Variants in TCF12 observed in about 807,000 individuals in gnomAD.
TCF12 encodes the protein DNA-binding protein HTF4.
In TCF12, 45 loss-of-function variants were observed where a neutral mutation model predicts 86.0. The ratio of observed to expected loss-of-function variants is 0.52; its 90% CI spans 0.41 to 0.67. The LOEUF (loss-of-function observed/expected upper bound fraction) is 0.67, where lower values mean the gene tolerates loss of function less well. Ranked by LOEUF, TCF12 falls within the 30% of genes least tolerant of loss-of-function variation. The pLI is 0.00. For missense variants in TCF12, 881 were observed against 859.9 expected (o/e 1.02, Z -0.31); for synonymous variants, 330 against 299.6 (o/e 1.10, Z -1.05).
At chr15:57,136,131 G>A (rs571316854) in intron 5 of TCF12, among the ~76,000 whole-genome samples, 1 of 152,264 alleles carries the variant, frequency 6.6e-6, no homozygotes, top group South Asian at 2.1e-4. Flanking sequence ...CTATTGATCT[G>A]CAGTATCCTT....
chr15:56,983,193 G>T (rs142444375), intron 3 of TCF12, among the ~76,000 whole-genome samples: 1 of 152,098 alleles, frequency 6.6e-6, no homozygotes, highest in African/African-American at 2.4e-5. Context: ...TTTGTCTCCC[G>T]TAGTCATTCT....
chr15:56,978,810 TAA>T, intron 3 of TCF12, among the ~76,000 whole-genome samples: 1 of 152,298 alleles, frequency 6.6e-6, no homozygotes, highest in Non-Finnish European at 1.5e-5. Flanking sequence ...CAGGCCCAAC[TAA>T]AAAGCCCAAG....
At chr15:56,953,689 A>T (rs1324128402) in intron 3 of TCF12, among the ~76,000 whole-genome samples, 1 of 151,996 alleles carries the variant, frequency 6.6e-6, no homozygotes, top group Admixed American at 6.6e-5. Context: ...ATATCATATA[A>T]GTTGTCGAAT....
intron 8 of TCF12, among the ~76,000 whole-genome samples, chr15:57,211,736 T>C (rs934302341): frequency 5.9e-5 from 9 of 152,200 alleles, no homozygotes; most frequent in Non-Finnish European, 1.0e-4. Flanking sequence ...GGCAGATCGC[T>C]TGAGGCCAGG....
intron 7 of TCF12, among the ~76,000 whole-genome samples, chr15:57,192,745 G>A (rs1015730779): frequency 5.9e-5 from 9 of 151,836 alleles, no homozygotes; most frequent in African/African-American, 2.2e-4. Flanking sequence ...TTGATGTCAG[G>A]GCTTATTTGC....
chr15:57,083,677 T>A, intron 4 of TCF12, among the ~76,000 whole-genome samples: 1 of 152,146 alleles, frequency 6.6e-6, no homozygotes. Flanking sequence ...CCCCAACTCC[T>A]GGGCTCAAGG....
chr15:57,039,027 C>G (rs1373351397), intron 3 of TCF12, among the ~76,000 whole-genome samples: 3 of 152,130 alleles, frequency 2.0e-5, no homozygotes, highest in African/African-American at 7.2e-5. Flanking sequence ...GTGCCTAGCT[C>G]TTAATTGTCA....
intron 18 of TCF12, among the ~76,000 whole-genome samples, chr15:57,267,254 C>G (rs1409567340): frequency 6.6e-6 from 1 of 152,058 alleles, no homozygotes; most frequent in East Asian, 1.9e-4. Flanking sequence ...AAAAGGTGTC[C>G]TTTTGCTCTT....
At chr15:57,198,775 G>A (rs1252396531) in intron 8 of TCF12, among the ~76,000 whole-genome samples, 7 of 152,040 alleles carry the variant, frequency 4.6e-5, no homozygotes, top group Non-Finnish European at 1.5e-5. Context: ...ACCCATGGGC[G>A]CAGGTGCCGC....
At chr15:57,063,293 T>C (rs1177052538) in intron 3 of TCF12, among the ~76,000 whole-genome samples, 2 of 152,240 alleles carry the variant, frequency 1.3e-5, no homozygotes, top group East Asian at 1.9e-4. Flanking sequence ...GTTAAGAATA[T>C]CTGATCACTG....
At chr15:57,223,956 A>G (rs1425713577) in intron 8 of TCF12, among the ~76,000 whole-genome samples, 2 of 152,008 alleles carry the variant, frequency 1.3e-5, no homozygotes, top group Non-Finnish European at 2.9e-5. Flanking sequence ...ATAGAATGCT[A>G]AAGACATTGA....
chr15:56,996,228 T>TA (rs1325968660), intron 3 of TCF12, among the ~76,000 whole-genome samples: 3 of 152,196 alleles, frequency 2.0e-5, no homozygotes, highest in Non-Finnish European at 4.4e-5. Flanking sequence ...TCATCAGTGA[T>TA]ACTGGCCTGA....
intron 8 of TCF12, chr15:57,219,136 G>GA: frequency 1.9e-6 from 2 of 1,065,586 alleles, no homozygotes; most frequent in African/African-American, 1.6e-5. Context: ...CAGATTAGCA[G>GA]AAAATCTGTC....
intron 3 of TCF12, among the ~76,000 whole-genome samples, chr15:57,041,880 G>A (rs771673137): frequency 3.3e-5 from 5 of 152,114 alleles, no homozygotes; most frequent in African/African-American, 7.2e-5. Flanking sequence ...AGTGTACTGT[G>A]GCTCTTCATA....
intron 16 of TCF12, among the ~76,000 whole-genome samples, chr15:57,253,700 A>T (rs2060220094): frequency 6.6e-6 from 1 of 152,172 alleles, no homozygotes; most frequent in South Asian, 2.1e-4. Context: ...TTTAGCTAAA[A>T]CTTGGATTTT....
At chr15:57,168,289 C>G (rs1365657043) in intron 6 of TCF12, among the ~76,000 whole-genome samples, 2 of 152,268 alleles carry the variant, frequency 1.3e-5, no homozygotes, top group East Asian at 1.9e-4. Flanking sequence ...CCGCTCATGC[C>G]TAGTTAAAAA....
intron 8 of TCF12, among the ~76,000 whole-genome samples, chr15:57,217,003 T>G (rs1291884014): frequency 2.0e-5 from 3 of 152,146 alleles, no homozygotes; most frequent in Non-Finnish European, 4.4e-5. Context: ...TTTGTTGTTG[T>G]TGTTTTTTTA....
intron 3 of TCF12, among the ~76,000 whole-genome samples, chr15:56,954,803 C>A (rs1413437273): frequency 2.0e-5 from 3 of 152,164 alleles, no homozygotes; most frequent in African/African-American, 7.2e-5. Context: ...GTGCAGCTAA[C>A]AGACACATGA....
At position 57,170,737 on chromosome 15, in the gene TCF12, AATATATATTATATATT is replaced by A. The variant is rs2055375592; in HGVS notation, c.390+4278_390+4293del. 7.2e-4 allele frequency among the ~76,000 whole-genome samples: 18 copies of A among 24,846 alleles called. 2 individuals carry two copies. The highest frequency in any genetic ancestry group is 1.9e-3 in the African/African-American group (18 of 9,296). 16.3% of individuals were successfully genotyped at this position (24,846 alleles called of 152,430 possible). On this transcript the variant is annotated intron_variant, in intron 6 of 20. Coordinates refer to ENST00000333725, the MANE Select transcript of TCF12 (RefSeq NM_207037.2). ...AATATATATATTATATATTATATAT[AATATATATTATATATT>A]ATATATTATATATATATTATATATA...
Sources: allele counts gnomAD v4.1 joint callset (sites outside exome capture counted in the v4.1 genomes callset), GRCh38; gene constraint gnomAD v4.1.1; transcripts MANE v1.5; gene names NCBI Gene and HGNC (gene_info 2026-07-23, HGNC 2026-07-21).